Variants in MAST4 observed in about 807,000 individuals in gnomAD.
The protein encoded by MAST4 is microtubule-associated serine/threonine-protein kinase 4.
MAST4 carries 89 observed loss-of-function variants against 162.7 expected under a neutral mutation model. The ratio of observed to expected loss-of-function variants is 0.55; its 90% CI spans 0.46 to 0.65. The LOEUF is 0.65. MAST4 is among the 30% of genes least tolerant of loss of function. The pLI, the probability that MAST4 is intolerant of heterozygous loss-of-function variation, is 0.00. For missense variants in MAST4, 3,153 were observed against 3,374.0 expected (o/e 0.93, Z 1.62); for synonymous variants, 1,479 against 1,361.1 (o/e 1.09, Z -1.91).
At chr5:66,778,106 C>G (rs1017990914) in intron 2 of MAST4, among the ~76,000 whole-genome samples, 18 of 152,158 alleles carry the variant, frequency 1.2e-4, no homozygotes, top group Admixed American at 1.2e-3. Context: ...GGTGCCGTCA[C>G]GCAGGCATTC....
intron 4 of MAST4, among the ~76,000 whole-genome samples, chr5:67,029,135 A>C (rs528113300): frequency 9.4e-5 from 14 of 149,124 alleles, no homozygotes; most frequent in East Asian, 5.9e-4. Flanking sequence ...CACTCTCTCA[A>C]AAAAAAAAAA....
chr5:66,742,933 C>G (rs541170682), intron 1 of MAST4, among the ~76,000 whole-genome samples: 36 of 152,176 alleles, frequency 2.4e-4, no homozygotes, highest in Non-Finnish European at 2.6e-4. Context: ...AAGAAAAGTT[C>G]AAGTAGATTT....
At chr5:66,704,833 A>G (rs775621319) in intron 1 of MAST4, among the ~76,000 whole-genome samples, 35 of 151,862 alleles carry the variant, frequency 2.3e-4, no homozygotes, top group Non-Finnish European at 4.4e-4. Flanking sequence ...TTGCTCCTTC[A>G]CTTTCCTCTT....
At chr5:66,765,501 G>T (rs995267798) in intron 2 of MAST4, among the ~76,000 whole-genome samples, 3 of 151,920 alleles carry the variant, frequency 2.0e-5, no homozygotes, top group Non-Finnish European at 4.4e-5. Context: ...CAATATTTAT[G>T]TTTTTTCCGA....
chr5:67,166,225 CAG>C lies in MAST4; in HGVS notation c.7048_7049del (p.Asp2350GlnfsTer26). 6.4e-7 allele frequency: 1 copy of C among 1,552,514 alleles called. No homozygotes were observed. The highest frequency in any genetic ancestry group is 8.7e-7 in the Non-Finnish European group (1 of 1,147,334). ...GATTGCCCCACCCTGTGCAAACAGA[CAG>C]ACAACAGACAGACAGACAAAAGCCC... On this transcript the variant is annotated frameshift_variant, in exon 29 of 29. Coordinates refer to ENST00000403625, the MANE Select transcript of MAST4 (RefSeq NM_001164664.2). LOFTEE classifies it low-confidence loss of function (END_TRUNC).
chr5:66,612,552 G>T (rs1351812103), intron 1 of MAST4, among the ~76,000 whole-genome samples: 1 of 152,188 alleles, frequency 6.6e-6, no homozygotes, highest in Non-Finnish European at 1.5e-5. Context: ...AGATGCAAAA[G>T]AAATAATAGA....
At chr5:66,714,432 C>T (rs552863243) in intron 1 of MAST4, among the ~76,000 whole-genome samples, 2 of 152,202 alleles carry the variant, frequency 1.3e-5, no homozygotes, top group Admixed American at 1.3e-4. Flanking sequence ...AAGAACAGAC[C>T]TCCTATTTAT....
chr5:66,669,244 G>A (rs949920197), intron 1 of MAST4, among the ~76,000 whole-genome samples: 1 of 152,262 alleles, frequency 6.6e-6, no homozygotes, highest in East Asian at 1.9e-4. Context: ...GCTCTGGGGC[G>A]GGGATGCTGC....
chr5:66,926,552 CTCTCTT>C (rs763264683), intron 4 of MAST4, among the ~76,000 whole-genome samples: 4 of 119,010 alleles, frequency 3.4e-5, no homozygotes, highest in Admixed American at 8.4e-5. Context: ...ATATCTCTTT[CTCTCTT>C]TCTCTCTCTA....
intron 1 of MAST4, among the ~76,000 whole-genome samples, chr5:66,614,599 C>T (rs915645253): frequency 3.3e-5 from 5 of 152,188 alleles, no homozygotes; most frequent in Admixed American, 2.6e-4. Context: ...TGGAGATTTT[C>T]TGTGTTGCAG....
At chr5:67,141,011 C>T (rs147008667) in intron 19 of MAST4, among the ~76,000 whole-genome samples, 28 of 152,316 alleles carry the variant, frequency 1.8e-4, no homozygotes, top group Non-Finnish European at 3.2e-4. Flanking sequence ...AGAGCTAGGG[C>T]TGACACTATG....
intron 4 of MAST4, among the ~76,000 whole-genome samples, chr5:66,916,692 A>G (rs947823947): frequency 1.8e-4 from 28 of 152,170 alleles, no homozygotes; most frequent in Admixed American, 6.5e-4. Flanking sequence ...GATTTGTTGC[A>G]GTTGTTGCTA....
At chr5:67,153,996 C>T (rs1387204130) in intron 26 of MAST4, among the ~76,000 whole-genome samples, 5 of 152,098 alleles carry the variant, frequency 3.3e-5, no homozygotes, top group African/African-American at 4.8e-5. Flanking sequence ...ATTAGAGTTC[C>T]TTTGAAAGAT....
intron 5 of MAST4, among the ~76,000 whole-genome samples, chr5:67,082,061 C>T (rs149089684): frequency 1.4e-4 from 21 of 152,140 alleles, no homozygotes; most frequent in African/African-American, 5.1e-4. Context: ...ATTGCTCCCC[C>T]ACAAATTTCA....
At chr5:66,632,698 A>G (rs747187459) in intron 1 of MAST4, among the ~76,000 whole-genome samples, 1 of 152,184 alleles carries the variant, frequency 6.6e-6, no homozygotes, top group African/African-American at 2.4e-5. Context: ...TGATGTAGAT[A>G]CTTGGTAATA....
At chr5:66,798,784 C>T (rs1755778060) in intron 3 of MAST4, among the ~76,000 whole-genome samples, 1 of 152,142 alleles carries the variant, frequency 6.6e-6, no homozygotes, top group Admixed American at 6.5e-5. Context: ...CTGTAACCAA[C>T]TTGTTTTCCT....
intron 3 of MAST4, among the ~76,000 whole-genome samples, chr5:66,895,226 G>A (rs1408257594): frequency 1.3e-5 from 2 of 152,164 alleles, no homozygotes; most frequent in Non-Finnish European, 2.9e-5. Context: ...CAGCTGCTGG[G>A]TATAGCAACA....
chr5:66,726,272 CT>C (rs1160460966), intron 1 of MAST4, among the ~76,000 whole-genome samples: 2 of 151,918 alleles, frequency 1.3e-5, no homozygotes, highest in African/African-American at 2.4e-5. Context: ...ATCTAATTTT[CT>C]TGGGGGCAGG....
intron 1 of MAST4, among the ~76,000 whole-genome samples, chr5:66,665,493 T>C: frequency 6.6e-6 from 1 of 152,224 alleles, no homozygotes; most frequent in Non-Finnish European, 1.5e-5. Context: ...AATGGTATGA[T>C]TCTTACTATC....
Sources: allele counts gnomAD v4.1 joint callset (sites outside exome capture counted in the v4.1 genomes callset), GRCh38; gene constraint gnomAD v4.1.1; transcripts MANE v1.5; gene names NCBI Gene and HGNC (gene_info 2026-07-23, HGNC 2026-07-21).